MED13L: variants seen among roughly 807,000 people sequenced by gnomAD.
MED13L encodes the protein mediator complex subunit 13L, also known as mediator of RNA polymerase II transcription subunit 13-like.
In MED13L, 7 loss-of-function variants were observed where a neutral mutation model predicts 220.9. The ratio of observed to expected loss-of-function variants is 0.03; its 90% CI spans 0.02 to 0.06. The LOEUF is 0.06. Ranked by LOEUF, MED13L falls within the 10% of genes least tolerant of loss-of-function variation. The pLI, the probability that MED13L is intolerant of heterozygous loss-of-function variation, is 1.00. For synonymous variants in MED13L, 1,011 were observed against 1,015.2 expected (o/e 1.00, Z 0.08); for missense variants, 1,965 against 2,760.5 (o/e 0.71, Z 6.46).
rs1366920430 is a variant in MED13L at position 116,130,471 on chromosome 12, T to G, written c.311-18959A>C. Among the ~76,000 whole-genome samples the G allele has an allele frequency of 3.9e-5, 6 of 152,228 alleles. No individual in the cohort carries two copies. The East Asian group carries it at 1.2e-3, about 29-fold the overall frequency. ...TTTTCCAAAAATATTAATGAAAAGG[T>G]AACGGTATCATAAACTGAAAGGCTG... is the stretch of plus-strand genomic sequence containing the variant. On this transcript the variant is annotated intron_variant, in intron 2 of 30. Transcript: ENST00000281928.
chr12:115,986,793 A>C (rs1209333459), intron 18 of MED13L, among the ~76,000 whole-genome samples: 2 of 152,146 alleles, frequency 1.3e-5, no homozygotes, highest in African/African-American at 2.4e-5. Context: ...TATGATTCTG[A>C]CTATGATGAA....
chr12:116,039,701 T>C (rs1252599450), intron 4 of MED13L, among the ~76,000 whole-genome samples: 6 of 152,114 alleles, frequency 3.9e-5, no homozygotes, highest in Admixed American at 3.3e-4. Flanking sequence ...TAGAAGGCTA[T>C]GATGGCAGCC....
chr12:116,189,609 T>C (rs1881135392), intron 2 of MED13L, among the ~76,000 whole-genome samples: 1 of 152,204 alleles, frequency 6.6e-6, no homozygotes, highest in African/African-American at 2.4e-5. Flanking sequence ...TTTTATAGTT[T>C]ACTTATTCCA....
intron 2 of MED13L, among the ~76,000 whole-genome samples, chr12:116,175,910 G>C (rs1301780092): frequency 1.3e-5 from 2 of 152,146 alleles, no homozygotes; most frequent in Non-Finnish European, 2.9e-5. Context: ...ATATGAGATG[G>C]TGAAAAATTC....
intron 28 of MED13L, among the ~76,000 whole-genome samples, chr12:115,968,065 C>CA (rs1161518943): frequency 7.2e-6 from 1 of 138,278 alleles, no homozygotes; most frequent in East Asian, 2.2e-4. Context: ...CCCCCCCCCC[C>CA]CCGATGAAAA....
In MED13L at chr12:115,991,228, G is replaced by A. The variant is rs1422363356; in HGVS notation, c.3726C>T (p.Phe1242=). 1 of 1,614,218 alleles carries A rather than the reference G, an allele frequency of 6.2e-7. No individual in the cohort carries two copies. Among genetic ancestry groups the A allele is most frequent in the Admixed American group, 1.7e-5 (1 of 60,030 alleles). Residue 1242 remains phenylalanine, a synonymous_variant, in exon 17 of 31, where the codon TTC becomes TTT. Transcript: ENST00000281928. This position sits in a 1 kb window ranked among gnomAD's most constrained non-coding sequence, Gnocchi z 7.7. ...GATTGTTAGAGGAAATGTAGTCCAG[G>A]AAATTCAGTGAAGCAAAAGGTTGTG... ...QHTQPFASLN[F]LDYISSNNRQ... is the part of the protein sequence containing the mutation.
chr12:115,969,853 C>CT (rs956455903), intron 27 of MED13L, among the ~76,000 whole-genome samples: 2 of 152,060 alleles, frequency 1.3e-5, no homozygotes, highest in African/African-American at 4.8e-5. Flanking sequence ...TCCTCCCCAA[C>CT]ATTATAAAAG....
At chr12:116,006,480 A>G in intron 11 of MED13L, 69 bp from the exon 12 acceptor site, 1 of 1,210,788 alleles carries the variant, frequency 8.3e-7, no homozygotes, top group Non-Finnish European at 1.2e-6. Context: ...GAGGGAGAAC[A>G]CAAAGAATTA....
chr12:116,099,316 G>A (rs1565876849), intron 3 of MED13L, among the ~76,000 whole-genome samples: 1 of 152,046 alleles, frequency 6.6e-6, no homozygotes, highest in Non-Finnish European at 1.5e-5. Context: ...TCTATTTAAC[G>A]TGATAATGCT....
At chr12:115,967,169 T>TGAAAAA (rs1876227883) in intron 28 of MED13L, among the ~76,000 whole-genome samples, 1 of 16,120 alleles carries the variant, frequency 6.2e-5, no homozygotes, top group Non-Finnish European at 9.6e-5. Context: ...AGACTCTGTC[T>TGAAAAA]CAAAAAAAAA....
intron 4 of MED13L, among the ~76,000 whole-genome samples, chr12:116,049,981 T>G (rs1238448722): frequency 3.9e-5 from 6 of 152,244 alleles, no homozygotes; most frequent in African/African-American, 1.4e-4. Context: ...GTAAGATCTA[T>G]TCCTTTGAAT....
chr12:116,237,800 A>C (rs1870234791), intron 1 of MED13L, 95 bp from the exon 2 acceptor site: 3 of 1,078,188 alleles, frequency 2.8e-6, no homozygotes, highest in Non-Finnish European at 4.3e-6. Context: ...TGCTAAAATA[A>C]ATATTTACAC....
intron 1 of MED13L, among the ~76,000 whole-genome samples, chr12:116,270,828 G>C: frequency 6.6e-6 from 1 of 151,648 alleles, no homozygotes; most frequent in Non-Finnish European, 1.5e-5. Context: ...GGATCACAAG[G>C]TCAAGAGATA....
At chr12:116,202,870 G>A (rs147593037) in intron 2 of MED13L, among the ~76,000 whole-genome samples, 1 of 152,276 alleles carries the variant, frequency 6.6e-6, no homozygotes, top group African/African-American at 2.4e-5. Flanking sequence ...TGCAAAGTTA[G>A]AAGAATCTCA....
intron 4 of MED13L, among the ~76,000 whole-genome samples, chr12:116,024,524 T>A: frequency 6.6e-6 from 1 of 152,182 alleles, no homozygotes; most frequent in East Asian, 1.9e-4. Context: ...ATTCCAGATA[T>A]TAATCCCCTG....
chr12:116,198,931 C>G (rs1881827272), intron 2 of MED13L, among the ~76,000 whole-genome samples: 1 of 152,266 alleles, frequency 6.6e-6, no homozygotes, highest in East Asian at 1.9e-4. Flanking sequence ...TACAATTACA[C>G]AAAGTTAATG....
intron 29 of MED13L, among the ~76,000 whole-genome samples, chr12:115,964,033 G>C (rs893281154): frequency 5.9e-5 from 9 of 152,246 alleles, no homozygotes; most frequent in Non-Finnish European, 8.8e-5. Flanking sequence ...GATGCAGTGA[G>C]CTGTGATTGC....
rs963819817 is a variant in MED13L at position 116,189,484 on chromosome 12, A to G, written c.310+47984T>C. Among the ~76,000 whole-genome samples, 8 of 152,168 alleles carry G rather than the reference A, an allele frequency of 5.3e-5. No individual in the cohort carries two copies. In the East Asian group the frequency reaches 1.5e-3, roughly 29 times the overall value. On this transcript the variant is annotated intron_variant, in intron 2 of 30. Coordinates refer to ENST00000281928, the MANE Select transcript of MED13L (RefSeq NM_015335.5). ...TCTTCCTCCCACAGGGGTTTCTTGC[A>G]GAACAAAAGCTTTAAATTTTGATAA...
intron 19 of MED13L, among the ~76,000 whole-genome samples, chr12:115,985,768 A>T (rs1877648533): frequency 6.6e-6 from 1 of 152,206 alleles, no homozygotes; most frequent in Non-Finnish European, 1.5e-5. Flanking sequence ...CAGTATTAAG[A>T]TGTCATGTTA....
Sources: allele counts gnomAD v4.1 joint callset (sites outside exome capture counted in the v4.1 genomes callset), GRCh38; gene constraint gnomAD v4.1.1; non-coding constraint Gnocchi (gnomAD v3.1); transcripts MANE v1.5; gene names NCBI Gene and HGNC (gene_info 2026-07-23, HGNC 2026-07-21).